The following RARB variants were observed in gnomAD, a reference collection of about 807,000 sequenced individuals.
The protein encoded by RARB is retinoic acid receptor beta, also known as HBV-activated protein.
RARB carries 17 observed loss-of-function variants against 51.9 expected under a neutral mutation model. That is an observed-to-expected ratio of 0.33 (90% confidence interval 0.22 to 0.49). RARB has a LOEUF of 0.49. RARB is among the 20% of genes least tolerant of loss of function. The pLI is 0.99. For missense variants in RARB, 369 were observed against 550.8 expected, an observed-to-expected ratio of 0.67 and a Z score of 3.30; for synonymous variants, 215 against 195.4, an observed-to-expected ratio of 1.10 and a Z score of -0.84.
At chr3:25,097,295 A>G (rs1699313675) in intron 3 of RARB, among the ~76,000 whole-genome samples, 1 of 152,174 alleles carries the variant, frequency 6.6e-6, no homozygotes, top group African/African-American at 2.4e-5. Context: ...AGGGAAACTA[A>G]AAGAGAAGCA....
intron 3 of RARB, among the ~76,000 whole-genome samples, chr3:25,540,667 A>G (rs1245538969): frequency 6.6e-6 from 1 of 152,242 alleles, no homozygotes; most frequent in Non-Finnish European, 1.5e-5. Context: ...CATAGGCACC[A>G]AGAAATAGTT....
intron 5 of RARB, among the ~76,000 whole-genome samples, chr3:25,311,236 C>T (rs975640078): frequency 6.6e-6 from 1 of 152,162 alleles, no homozygotes; most frequent in Non-Finnish European, 1.5e-5. Flanking sequence ...AGAGAGGATG[C>T]ACGTGGTGTA....
chr3:24,913,191 A>G (rs1267168848), intron 2 of RARB, among the ~76,000 whole-genome samples: 7 of 151,494 alleles, frequency 4.6e-5, no homozygotes, highest in South Asian at 4.2e-4. Context: ...TCACTGTGTT[A>G]GCCACGATGG....
intron 5 of RARB, among the ~76,000 whole-genome samples, chr3:25,403,376 A>T (rs1707317858): frequency 6.6e-6 from 1 of 152,164 alleles, no homozygotes; most frequent in Non-Finnish European, 1.5e-5. Flanking sequence ...TGTACCCATA[A>T]ATATATATAC....
intron 5 of RARB, among the ~76,000 whole-genome samples, chr3:25,233,861 G>T (rs1184852332): frequency 6.7e-6 from 1 of 150,280 alleles, no homozygotes; most frequent in Non-Finnish European, 1.5e-5. Flanking sequence ...TCCTTAATCT[G>T]TTAATGCCAT....
chr3:25,190,070 A>T (rs1701062581), intron 5 of RARB, among the ~76,000 whole-genome samples: 1 of 152,070 alleles, frequency 6.6e-6, no homozygotes, highest in Non-Finnish European at 1.5e-5. Flanking sequence ...AGTTTGGGTC[A>T]ATTTATCGAT....
intron 3 of RARB, among the ~76,000 whole-genome samples, chr3:25,512,776 T>C (rs781236880): frequency 1.8e-4 from 27 of 152,182 alleles, no homozygotes; most frequent in Non-Finnish European, 2.6e-4. Flanking sequence ...GGCACCTCTA[T>C]TGAGATGACT....
intron 1 of RARB, among the ~76,000 whole-genome samples, chr3:24,848,267 C>A (rs1702510264): frequency 6.6e-6 from 1 of 152,146 alleles, no homozygotes; most frequent in African/African-American, 2.4e-5. Context: ...TGCCATGTTG[C>A]CCAGACTAGT....
intron 1 of RARB, among the ~76,000 whole-genome samples, chr3:25,458,597 G>A (rs1325495395): frequency 6.6e-6 from 1 of 152,106 alleles, no homozygotes; most frequent in East Asian, 1.9e-4. Context: ...TAAAACAGTT[G>A]CTGCCACTGT....
chr3:25,459,075 C>G (rs972519712), intron 1 of RARB, among the ~76,000 whole-genome samples: 6 of 152,014 alleles, frequency 3.9e-5, no homozygotes, highest in African/African-American at 1.4e-4. Flanking sequence ...TAGGGGATGG[C>G]AGATGTAGAA....
chr3:24,905,503 C>A (rs1409255442), intron 2 of RARB, among the ~76,000 whole-genome samples: 1 of 152,198 alleles, frequency 6.6e-6, no homozygotes, highest in Non-Finnish European at 1.5e-5. Context: ...CTACGGATGT[C>A]CACATGACAC....
intron 1 of RARB, among the ~76,000 whole-genome samples, chr3:24,833,440 T>A (rs901064234): frequency 2.0e-5 from 3 of 152,218 alleles, no homozygotes; most frequent in Non-Finnish European, 4.4e-5. Context: ...TTAGGTAATA[T>A]CTTTCATTCT....
intron 4 of RARB, among the ~76,000 whole-genome samples, chr3:25,155,986 A>G (rs1033797062): frequency 6.6e-6 from 1 of 151,992 alleles, no homozygotes; most frequent in African/African-American, 2.4e-5. Context: ...GCCTTAGTTC[A>G]TTTGTTTATT....
chr3:24,980,524 C>T (rs2125425270), intron 2 of RARB, among the ~76,000 whole-genome samples: 2 of 152,270 alleles, frequency 1.3e-5, no homozygotes, highest in South Asian at 2.1e-4. Flanking sequence ...TTCAGTCGAT[C>T]AAATTCGATC....
intron 5 of RARB, among the ~76,000 whole-genome samples, chr3:25,584,912 G>T (rs528454138): frequency 6.6e-6 from 1 of 152,172 alleles, no homozygotes; most frequent in African/African-American, 2.4e-5. Flanking sequence ...CGCCTGGCCT[G>T]CCCCTACTTT....
intron 5 of RARB, among the ~76,000 whole-genome samples, chr3:25,246,118 G>A (rs950534649): frequency 6.6e-6 from 1 of 151,878 alleles, no homozygotes; most frequent in African/African-American, 2.4e-5. Context: ...TTTGGCTATT[G>A]ATAGTTGTGT....
At chr3:25,404,230 G>A (rs1359122084) in intron 5 of RARB, among the ~76,000 whole-genome samples, 1 of 152,136 alleles carries the variant, frequency 6.6e-6, no homozygotes, top group Non-Finnish European at 1.5e-5. Flanking sequence ...TCTCACTGAT[G>A]AGCAGTCCTG....
intron 2 of RARB, among the ~76,000 whole-genome samples, chr3:24,918,892 TAAATA>T (rs760253047): frequency 1.4e-3 from 219 of 151,976 alleles, no homozygotes; most frequent in Non-Finnish European, 2.7e-3. Context: ...TCTCAAAAAA[TAAATA>T]AAATTAAATT....
chr3:25,062,614 C>T (rs895546941), intron 3 of RARB, among the ~76,000 whole-genome samples: 4 of 151,790 alleles, frequency 2.6e-5, no homozygotes, highest in Non-Finnish European at 5.9e-5. Flanking sequence ...TTGCTATAAC[C>T]TGGATAAACC....
Sources: allele counts gnomAD v4.1 joint callset (sites outside exome capture counted in the v4.1 genomes callset), GRCh38; gene constraint gnomAD v4.1.1; transcripts MANE v1.5; gene names NCBI Gene and HGNC (gene_info 2026-07-23, HGNC 2026-07-21).